POU2F3: variants seen among roughly 807,000 people sequenced by gnomAD.
The protein encoded by POU2F3 is POU class 2 homeobox 3.
Under a neutral mutation model 59.2 loss-of-function variants are expected in POU2F3, and 23 were observed. The observed-to-expected ratio is 0.39, with a 90% confidence interval of 0.28 to 0.55. The LOEUF is 0.55. Ranked by LOEUF, POU2F3 falls within the 20% of genes least tolerant of loss-of-function variation. The pLI is 0.66. For synonymous variants in POU2F3, 190 were observed against 214.6 expected (o/e 0.89, Z 1.00); for missense variants, 473 against 544.5 (o/e 0.87, Z 1.31).
intron 3 of POU2F3, among the ~76,000 whole-genome samples, chr11:120,274,137 A>AAGGAAGGC (rs1940221482): frequency 6.6e-6 from 1 of 150,636 alleles, no homozygotes; most frequent in African/African-American, 2.5e-5. Context: ...GGAAGGAAGG[A>AAGGAAGGC]AGGAAGGAAG....
intron 3 of POU2F3, among the ~76,000 whole-genome samples, chr11:120,293,924 ACT>A (rs1941113715): frequency 6.6e-6 from 1 of 151,936 alleles, no homozygotes; most frequent in African/African-American, 2.4e-5. Context: ...TCAGGAGACC[ACT>A]CTCTTGTCAG....
chr11:120,239,082 A>G (rs1341591039), upstream of POU2F3, among the ~76,000 whole-genome samples: 1 of 152,102 alleles, frequency 6.6e-6, no homozygotes, highest in Non-Finnish European at 1.5e-5. Flanking sequence ...GCCAGGGGGA[A>G]AGGACACTGT....
intron 12 of POU2F3, 131 bp from the exon 13 acceptor site, chr11:120,318,222 G>A (rs779358194): frequency 9.6e-5 from 76 of 795,004 alleles, no homozygotes; most frequent in Middle Eastern, 2.7e-4. Context: ...AACCATCAGC[G>A]TTATCTAATT....
intron 3 of POU2F3, among the ~76,000 whole-genome samples, chr11:120,297,341 G>C (rs1941219345): frequency 6.6e-6 from 1 of 152,346 alleles, no homozygotes; most frequent in Non-Finnish European, 1.5e-5. Context: ...TCATTGCAGG[G>C]TGGTGGAGAC....
At chr11:120,298,804 T>C (rs1207557907) in intron 4 of POU2F3, among the ~76,000 whole-genome samples, 1 of 152,178 alleles carries the variant, frequency 6.6e-6, no homozygotes, top group African/African-American at 2.4e-5. Flanking sequence ...GAAAGAGGCG[T>C]CTGAGATAGT....
chr11:120,310,347 C>A (rs1489637639), intron 10 of POU2F3, among the ~76,000 whole-genome samples: 2 of 152,098 alleles, frequency 1.3e-5, no homozygotes, highest in Non-Finnish European at 2.9e-5. Context: ...GAAAGCACTG[C>A]CATTTTTTTG....
intron 3 of POU2F3, among the ~76,000 whole-genome samples, chr11:120,283,786 T>TGTG (rs1477035727): frequency 8.2e-6 from 1 of 121,618 alleles, no homozygotes; most frequent in Admixed American, 8.6e-5. Flanking sequence ...TGTGTGTGTG[T>TGTG]GTGTGTGTGT....
chr11:120,294,505 C>T (rs1321045151), intron 3 of POU2F3, among the ~76,000 whole-genome samples: 2 of 152,196 alleles, frequency 1.3e-5, no homozygotes, highest in Admixed American at 6.5e-5. Context: ...AATTTGCCTC[C>T]GGTTCTCACA....
intron 10 of POU2F3, among the ~76,000 whole-genome samples, chr11:120,312,102 T>C (rs1408414034): frequency 6.6e-6 from 1 of 152,168 alleles, no homozygotes; most frequent in Non-Finnish European, 1.5e-5. Context: ...TGAGAAGGCA[T>C]GGAATTTTTT....
chr11:120,246,217 C>T (rs1484877451), intron 1 of POU2F3, among the ~76,000 whole-genome samples: 1 of 151,962 alleles, frequency 6.6e-6, no homozygotes, highest in Non-Finnish European at 1.5e-5. Flanking sequence ...CCTGCAGTGG[C>T]ACCGGGGAAA....
chr11:120,300,506 G>T (rs1313570249), intron 5 of POU2F3, among the ~76,000 whole-genome samples: 1 of 152,142 alleles, frequency 6.6e-6, no homozygotes, highest in African/African-American at 2.4e-5. Flanking sequence ...GCTCACGCCT[G>T]TAATCCCAGC....
chr11:120,282,534 T>C (rs1373006149), intron 3 of POU2F3, among the ~76,000 whole-genome samples: 2 of 152,146 alleles, frequency 1.3e-5, no homozygotes, highest in African/African-American at 4.8e-5. Context: ...CGGGCACCTG[T>C]AATCCCAGCT....
At chr11:120,245,276 C>G (rs1938823880) in intron 1 of POU2F3, among the ~76,000 whole-genome samples, 2 of 152,052 alleles carry the variant, frequency 1.3e-5, no homozygotes, top group Admixed American at 6.6e-5. Flanking sequence ...TAGGTTTTCT[C>G]CCCTCTTTCC....
chr11:120,299,392 G>T (rs1009536647), intron 4 of POU2F3, among the ~76,000 whole-genome samples: 1 of 152,204 alleles, frequency 6.6e-6, no homozygotes, highest in Non-Finnish European at 1.5e-5. Context: ...CAAGGGTTAA[G>T]TAACAATATG....
intron 10 of POU2F3, among the ~76,000 whole-genome samples, chr11:120,313,990 GGTGACA>G (rs1177802027): frequency 6.6e-6 from 1 of 152,124 alleles, no homozygotes; most frequent in Non-Finnish European, 1.5e-5. Context: ...CTCCAGCCTG[GGTGACA>G]GAGCGAGACT....
chr11:120,291,368 T>C (rs1044734578), intron 3 of POU2F3, among the ~76,000 whole-genome samples: 1 of 152,250 alleles, frequency 6.6e-6, no homozygotes, highest in African/African-American at 2.4e-5. Context: ...TCTTTAGGAC[T>C]AACTTGACTG....
intron 3 of POU2F3, among the ~76,000 whole-genome samples, chr11:120,272,014 G>T (rs1940100279): frequency 6.6e-6 from 1 of 152,104 alleles, no homozygotes; most frequent in Non-Finnish European, 1.5e-5. Context: ...CAGTGGGTGG[G>T]CACCCAGGAC....
At chr11:120,288,222 G>T (rs1273829605) in intron 3 of POU2F3, among the ~76,000 whole-genome samples, 4 of 151,026 alleles carry the variant, frequency 2.6e-5, no homozygotes, top group Non-Finnish European at 4.4e-5. Context: ...ATCCCTGAGG[G>T]CATGGTTGCT....
At chr11:120,236,901 G>A (rs1938518523), upstream of POU2F3, among the ~76,000 whole-genome samples, 1 of 152,226 alleles carries the variant, frequency 6.6e-6, no homozygotes, top group Admixed American at 6.5e-5. Context: ...AAACGTCTCT[G>A]CTGAGCCATA....
Sources: gnomAD v4.1 joint callset for allele counts (sites outside exome capture counted in the v4.1 genomes callset) on GRCh38, gnomAD v4.1.1 for gene constraint, MANE v1.5 for transcripts, NCBI Gene and HGNC (gene_info 2026-07-23, HGNC 2026-07-21) for gene names.